ST6GAL1: variants seen among roughly 807,000 people sequenced by gnomAD.
The protein encoded by ST6GAL1 is beta-galactoside alpha-2,6-sialyltransferase 1.
Under a neutral mutation model 38.0 loss-of-function variants are expected in ST6GAL1, and 20 were observed. The ratio of observed to expected loss-of-function variants is 0.53; its 90% CI spans 0.37 to 0.77. The LOEUF (loss-of-function observed/expected upper bound fraction) is 0.77, where lower values mean the gene tolerates loss of function less well. Among genes scored for constraint, ST6GAL1 ranks in the 30% least tolerant of loss-of-function variants. The pLI is 0.00. For synonymous variants in ST6GAL1, 196 were observed against 188.2 expected (o/e 1.04, Z -0.34); for missense variants, 432 against 496.4 (o/e 0.87, Z 1.23).
intron 1 of ST6GAL1, among the ~76,000 whole-genome samples, chr3:186,962,155 C>T (rs1005698473): frequency 2.6e-5 from 4 of 152,164 alleles, no homozygotes; most frequent in South Asian, 2.1e-4. Flanking sequence ...GAGGTCTTGA[C>T]GTTACCACCC....
At chr3:186,951,091 C>CA (rs779999059) in intron 1 of ST6GAL1, among the ~76,000 whole-genome samples, 49 of 152,178 alleles carry the variant, frequency 3.2e-4, no homozygotes, top group Non-Finnish European at 1.3e-4. Context: ...TTTTTTGAGA[C>CA]AGAGTTTTGT....
At chr3:187,065,417 A>G (rs1278450103) in intron 5 of ST6GAL1, among the ~76,000 whole-genome samples, 2 of 152,236 alleles carry the variant, frequency 1.3e-5, no homozygotes. Flanking sequence ...GTGGCTTTTT[A>G]TAGAGAATGG....
At chr3:186,941,368 C>G (rs1714165622) in intron 1 of ST6GAL1, among the ~76,000 whole-genome samples, 1 of 152,060 alleles carries the variant, frequency 6.6e-6, no homozygotes, top group Non-Finnish European at 1.5e-5. Flanking sequence ...GTTATGCTTC[C>G]CTGGGTCCCC....
At chr3:187,062,367 G>A (rs1188034414) in intron 5 of ST6GAL1, among the ~76,000 whole-genome samples, 1 of 152,138 alleles carries the variant, frequency 6.6e-6, no homozygotes, top group Non-Finnish European at 1.5e-5. Context: ...GGGTCTTGAA[G>A]AGATATTCAT....
chr3:186,970,381 A>T (rs1276898986), intron 2 of ST6GAL1, among the ~76,000 whole-genome samples: 4 of 141,792 alleles, frequency 2.8e-5, no homozygotes, highest in East Asian at 2.0e-4. Context: ...CGCCCGGCAA[A>T]TTTTTTTTTT....
intron 2 of ST6GAL1, among the ~76,000 whole-genome samples, chr3:186,997,474 T>A (rs2108550365): frequency 6.6e-6 from 1 of 151,890 alleles, no homozygotes; most frequent in East Asian, 1.9e-4. Context: ...AGATTAAGGG[T>A]TTTATGCTGG....
intron 2 of ST6GAL1, among the ~76,000 whole-genome samples, chr3:186,979,701 G>T (rs1715631320): frequency 6.6e-6 from 1 of 152,184 alleles, no homozygotes; most frequent in South Asian, 2.1e-4. Flanking sequence ...TATGTGGGTT[G>T]TTCTATGCCA....
chr3:187,022,280 G>C (rs1717344688), intron 2 of ST6GAL1, among the ~76,000 whole-genome samples: 1 of 152,120 alleles, frequency 6.6e-6, no homozygotes, highest in African/African-American at 2.4e-5. Context: ...GGTCACATAA[G>C]TCATCTTCTG....
At chr3:186,992,872 A>G (rs1427969729) in intron 2 of ST6GAL1, among the ~76,000 whole-genome samples, 2 of 152,164 alleles carry the variant, frequency 1.3e-5, no homozygotes, top group African/African-American at 2.4e-5. Context: ...CCTTGCCCCT[A>G]AGGTGCTCAC....
At chr3:186,938,028 C>G (rs189439208) in intron 1 of ST6GAL1, among the ~76,000 whole-genome samples, 2 of 152,078 alleles carry the variant, frequency 1.3e-5, no homozygotes, top group Non-Finnish European at 2.9e-5. Flanking sequence ...GAGCTGAGAT[C>G]GCACCACTGC....
At chr3:186,945,714 C>T (rs889857763) in intron 1 of ST6GAL1, among the ~76,000 whole-genome samples, 4 of 152,022 alleles carry the variant, frequency 2.6e-5, no homozygotes, top group Non-Finnish European at 4.4e-5. Flanking sequence ...CGGCTGGGCA[C>T]GGTGGCTCAT....
intron 1 of ST6GAL1, among the ~76,000 whole-genome samples, chr3:186,953,087 A>C (rs527958950): frequency 6.6e-5 from 10 of 152,260 alleles, no homozygotes; most frequent in African/African-American, 2.2e-4. Flanking sequence ...TTCTCTTAGA[A>C]TCGTTTCACA....
At chr3:186,947,564 TTTA>T (rs1168998008) in intron 1 of ST6GAL1, among the ~76,000 whole-genome samples, 1 of 152,196 alleles carries the variant, frequency 6.6e-6, no homozygotes, top group African/African-American at 2.4e-5. Flanking sequence ...TAGATTGGTA[TTTA>T]TTATTATTTA....
chr3:186,981,603 C>G (rs1320872828), intron 2 of ST6GAL1, among the ~76,000 whole-genome samples: 1 of 152,136 alleles, frequency 6.6e-6, no homozygotes, highest in African/African-American at 2.4e-5. Flanking sequence ...CTGATGATGT[C>G]TTGTTATCTC....
chr3:187,076,105 A>C lies in ST6GAL1; in HGVS notation c.*302A>C. ...GGTAGATGCAAGGTCTATCTCTCCCATCAGGGCTGCCAAAGCTGGGCTTTG... is the reference window on the plus strand; with the variant it reads ...GGTAGATGCAAGGTCTATCTCTCCCCTCAGGGCTGCCAAAGCTGGGCTTTG... On this transcript the variant is annotated 3_prime_UTR_variant, in exon 8 of 8. Coordinates refer to ENST00000169298, the MANE Select transcript of ST6GAL1 (RefSeq NM_173216.2). The C allele has an allele frequency of 2.9e-6, 1 of 342,036 alleles. No homozygotes were observed. The highest frequency in any genetic ancestry group is 5.4e-6 in the Non-Finnish European group (1 of 185,874). 21.2% of individuals were successfully genotyped at this position (342,036 alleles called of 1,614,324 possible).
At position 186,958,994 on chromosome 3, in the gene ST6GAL1, A is replaced by G. The variant is rs181350628; in HGVS notation, c.-324-4791A>G. 3.0e-3 allele frequency among the ~76,000 whole-genome samples: 432 copies of G among 143,892 alleles called. 8 individuals carry two copies. The East Asian group carries it at 0.035, about 12-fold the overall frequency. 94.4% of individuals were successfully genotyped at this position (143,892 alleles called of 152,430 possible). ...TAAATAAATAAATAAATAAATAAAT[A>G]AAATAAAATAAGTTAAAAAGGGCTC... On this transcript the variant is annotated intron_variant, in intron 1 of 7. Transcript: ENST00000169298.
chr3:187,075,604 A>ATGAG lies in ST6GAL1; in HGVS notation c.1024_1027dup (p.Phe343Ter), dbSNP rs1284232707. ...ACGCTGTGTGACCAGGTGGATATTT[A>ATGAG]TGAGTTCCTCCCATCCAAGCGCAAG... On this transcript the variant is annotated frameshift_variant, in exon 8 of 8. Transcript: ENST00000169298. LOFTEE classifies it high-confidence loss of function. The surrounding 1 kb of genome is among the most constrained non-coding windows in gnomAD (Gnocchi z 4.1). 1 of 1,614,076 alleles carries ATGAG rather than the reference A, an allele frequency of 6.2e-7. No homozygotes were observed. Among genetic ancestry groups the ATGAG allele is most frequent in the Non-Finnish European group, 8.5e-7 (1 of 1,180,030 alleles).
chr3:186,997,802 A>T (rs1231229881), intron 2 of ST6GAL1, among the ~76,000 whole-genome samples: 1 of 151,776 alleles, frequency 6.6e-6, no homozygotes, highest in Non-Finnish European at 1.5e-5. Flanking sequence ...CCATATTGAG[A>T]CAATGCTGAC....
chr3:187,033,950 A>C (rs1717840235), intron 2 of ST6GAL1, among the ~76,000 whole-genome samples: 2 of 152,232 alleles, frequency 1.3e-5, no homozygotes, highest in Non-Finnish European at 2.9e-5. Flanking sequence ...AAATCCATAC[A>C]AAGAATCAAC....
Sources: gnomAD v4.1 joint callset for allele counts (sites outside exome capture counted in the v4.1 genomes callset) on GRCh38, gnomAD v4.1.1 for gene constraint, Gnocchi (gnomAD v3.1) non-coding constraint, MANE v1.5 for transcripts, NCBI Gene and HGNC (gene_info 2026-07-23, HGNC 2026-07-21) for gene names.